The following SLMAP variants were observed in gnomAD, a reference collection of about 807,000 sequenced individuals.
SLMAP encodes the protein sarcolemmal membrane-associated protein.
A neutral mutation model predicts 128.8 loss-of-function variants in SLMAP; 44 were observed. The observed-to-expected ratio is 0.34, with a 90% confidence interval of 0.27 to 0.44. SLMAP has a LOEUF of 0.44. Among genes scored for constraint, SLMAP ranks in the 20% least tolerant of loss-of-function variants. SLMAP has a pLI of 1.00. For synonymous variants in SLMAP, 327 were observed against 348.8 expected, an observed-to-expected ratio of 0.94 and a Z score of 0.70; for missense variants, 787 against 985.3, an observed-to-expected ratio of 0.80 and a Z score of 2.69.
intron 14 of SLMAP, among the ~76,000 whole-genome samples, chr3:57,877,110 C>G (rs868786672): frequency 2.6e-5 from 4 of 151,634 alleles, no homozygotes; most frequent in Admixed American, 6.6e-5. Flanking sequence ...TGAGACTTAA[C>G]TTTTTGTTGT....
intron 2 of SLMAP, among the ~76,000 whole-genome samples, chr3:57,768,056 G>A: frequency 6.6e-6 from 1 of 152,096 alleles, no homozygotes; most frequent in East Asian, 1.9e-4. Context: ...TTGGCTTTGG[G>A]TATATATGAA....
rs1559513051 is a variant in SLMAP, at chr3:57,906,317, T to TTTTTTTTTTTTG, written c.1502-1556_1502-1555insGTTTTTTTTTTT. Among the ~76,000 whole-genome samples the TTTTTTTTTTTTG allele has an allele frequency of 6.3e-4, 77 of 121,736 alleles. 3 individuals carry two copies. Among genetic ancestry groups the TTTTTTTTTTTTG allele is most frequent in the African/African-American group, 2.2e-3 (71 of 32,042 alleles). The allele number at this position is 121,736 out of a possible 152,430, so 79.9% of individuals were successfully genotyped here. On this transcript the variant is annotated intron_variant, in intron 17 of 24. Coordinates refer to ENST00000671191, the MANE Select transcript of SLMAP (RefSeq NM_001377540.1). ...ATTTTTTTCTTTTTTTTTCTTTTTT[T>TTTTTTTTTTTTG]TTTTTTTTTTTTTTTAGAGACACAG...
intron 14 of SLMAP, among the ~76,000 whole-genome samples, chr3:57,872,852 T>G (rs1343219101): frequency 6.6e-6 from 1 of 152,228 alleles, no homozygotes; most frequent in African/African-American, 2.4e-5. Context: ...AAGCAAATAC[T>G]TTCTCAGGCA....
At chr3:57,758,333 A>G (rs1463422425) in intron 2 of SLMAP, among the ~76,000 whole-genome samples, 1 of 152,268 alleles carries the variant, frequency 6.6e-6, no homozygotes, top group Admixed American at 6.5e-5. Flanking sequence ...AATTGCTGAT[A>G]TAAACCTAAG....
rs187225613 is a variant in SLMAP, at chr3:57,825,506, T to C, written c.199-5877T>C. ...TGAGATGATTGTGTGTTTTCTTTTTTTTTTTTTTTTCATTTTCTACAAATG... is the reference window on the plus strand; with the variant it reads ...TGAGATGATTGTGTGTTTTCTTTTTCTTTTTTTTTTCATTTTCTACAAATG... On this transcript the variant is annotated intron_variant, in intron 2 of 24. Coordinates refer to ENST00000671191, the MANE Select transcript of SLMAP (RefSeq NM_001377540.1). Among the ~76,000 whole-genome samples, 10 of 151,860 alleles carry C rather than the reference T, an allele frequency of 6.6e-5. No individual in the cohort carries two copies. The East Asian group carries it at 1.3e-3, about 20-fold the overall frequency.
intron 15 of SLMAP, among the ~76,000 whole-genome samples, chr3:57,894,693 A>G (rs2096192710): frequency 6.6e-6 from 1 of 152,254 alleles, no homozygotes; most frequent in African/African-American, 2.4e-5. Context: ...AGACTTCCTT[A>G]GAGTTGATGG....
chr3:57,867,330 T>C (rs1457161110), intron 13 of SLMAP, among the ~76,000 whole-genome samples: 3 of 152,244 alleles, frequency 2.0e-5, no homozygotes, highest in East Asian at 3.8e-4. Context: ...TTATACTATT[T>C]AGAGTTGTAA....
chr3:57,772,712 C>T (rs535234853), intron 2 of SLMAP, among the ~76,000 whole-genome samples: 1 of 152,008 alleles, frequency 6.6e-6, no homozygotes, highest in African/African-American at 2.4e-5. Flanking sequence ...ATGATCTCGG[C>T]TCACCGCAAC....
Position 57,757,625 on chromosome 3 carries a change from A to G in SLMAP, c.-27A>G. The G allele has an allele frequency of 1.9e-6, 3 of 1,611,336 alleles. No individual in the cohort carries two copies. Among genetic ancestry groups the G allele is most frequent in the East Asian group, 2.2e-5 (1 of 44,836 alleles). Reference sequence around the variant, plus strand: ...GGAGGAACTCCTCTTTGTCCCTGGTAGGAGAGACACCCCCAGTCTATCCTC... The same window carrying G: ...GGAGGAACTCCTCTTTGTCCCTGGTGGGAGAGACACCCCCAGTCTATCCTC... On this transcript the variant is annotated 5_prime_UTR_variant, in exon 2 of 25. Coordinates refer to ENST00000671191, the MANE Select transcript of SLMAP (RefSeq NM_001377540.1).
At chr3:57,858,033 A>G (rs183305678) in intron 7 of SLMAP, 55 bp from the exon 8 acceptor site, 1 of 1,161,050 alleles carries the variant, frequency 8.6e-7, no homozygotes, top group Admixed American at 1.8e-5. Flanking sequence ...TTTTTTATAT[A>G]CATGTGACTT....
intron 3 of SLMAP, among the ~76,000 whole-genome samples, chr3:57,840,618 A>C (rs1208098944): frequency 6.6e-6 from 1 of 152,206 alleles, no homozygotes; most frequent in Non-Finnish European, 1.5e-5. Context: ...GAAAAGGAGG[A>C]AGTAAGATGC....
At chr3:57,925,270 T>A (rs2153710830) in intron 23 of SLMAP, among the ~76,000 whole-genome samples, 1 of 151,604 alleles carries the variant, frequency 6.6e-6, no homozygotes, top group South Asian at 2.1e-4. Context: ...TGTCTTCATG[T>A]GCTATATTTC....
In SLMAP at chr3:57,862,093, AT is replaced by A; in HGVS notation, c.966+10del. 6.4e-7 allele frequency: 1 copy of A among 1,557,106 alleles called. No individual in the cohort carries two copies. Among genetic ancestry groups the A allele is most frequent in the Non-Finnish European group, 8.8e-7 (1 of 1,131,252 alleles). ...TTTATCTGATAAATTAAAGGTATGTATTTACTCTGCCTGAAAGTATGTTAAG... is the reference window on the plus strand; with the variant it reads ...TTTATCTGATAAATTAAAGGTATGTATTACTCTGCCTGAAAGTATGTTAAG... On this transcript the variant is annotated splice_region_variant and intron_variant, in intron 10 of 24. Coordinates refer to ENST00000671191, the MANE Select transcript of SLMAP (RefSeq NM_001377540.1).
At chr3:57,909,272 A>T in intron 19 of SLMAP, 122 bp downstream of exon 19, 7 of 664,486 alleles carry the variant, frequency 1.1e-5, no homozygotes, top group South Asian at 2.0e-5. Context: ...GAGGCCGAGA[A>T]GGGTGGATCT....
At chr3:57,817,589 T>A (rs2092013696) in intron 2 of SLMAP, among the ~76,000 whole-genome samples, 1 of 152,240 alleles carries the variant, frequency 6.6e-6, no homozygotes, top group Non-Finnish European at 1.5e-5. Flanking sequence ...CTAAGCGGCC[T>A]TGTTTGCTGT....
chr3:57,799,799 C>T (rs376789919), intron 2 of SLMAP, among the ~76,000 whole-genome samples: 49 of 152,174 alleles, frequency 3.2e-4, no homozygotes, highest in African/African-American at 1.1e-3. Context: ...AACATATTCG[C>T]GAGCTTTTTG....
intron 16 of SLMAP, 97 bp downstream of exon 16, chr3:57,896,688 GAAA>G: frequency 1.9e-6 from 2 of 1,028,352 alleles, no homozygotes; most frequent in Non-Finnish European, 2.7e-6. Context: ...TGTGTTTGGG[GAAA>G]AAAAAAACGC....
chr3:57,768,387 T>G (rs1466135602), intron 2 of SLMAP, among the ~76,000 whole-genome samples: 1 of 152,188 alleles, frequency 6.6e-6, no homozygotes, highest in Non-Finnish European at 1.5e-5. Flanking sequence ...GCTTTTCTTA[T>G]TTTTTACTTA....
At chr3:57,816,685 A>G (rs1272501602) in intron 2 of SLMAP, among the ~76,000 whole-genome samples, 1 of 152,214 alleles carries the variant, frequency 6.6e-6, no homozygotes, top group Non-Finnish European at 1.5e-5. Context: ...GTGGTTTGGA[A>G]ATAGAGATGT....
Sources: gnomAD v4.1 joint callset for allele counts (sites outside exome capture counted in the v4.1 genomes callset) on GRCh38, gnomAD v4.1.1 for gene constraint, MANE v1.5 for transcripts, NCBI Gene and HGNC (gene_info 2026-07-23, HGNC 2026-07-21) for gene names.